The following FCHO2 variants were observed in gnomAD, a reference collection of about 807,000 sequenced individuals.
The protein encoded by FCHO2 is FCH and mu domain containing endocytic adaptor 2, also known as F-BAR domain only protein 2.
FCHO2 carries 43 observed loss-of-function variants against 114.1 expected under a neutral mutation model. That is an observed-to-expected ratio of 0.38 (90% CI 0.30 to 0.49). The LOEUF is 0.49. Among genes scored for constraint, FCHO2 ranks in the 20% least tolerant of loss-of-function variants. The pLI, the probability that FCHO2 is intolerant of heterozygous loss-of-function variation, is 0.97. For missense variants in FCHO2, 807 were observed against 950.4 expected (o/e 0.85, Z 1.98); for synonymous variants, 293 against 315.2 (o/e 0.93, Z 0.75).
intron 8 of FCHO2, among the ~76,000 whole-genome samples, chr5:73,024,362 C>T (rs1183572411): frequency 1.3e-5 from 2 of 150,664 alleles, no homozygotes; most frequent in African/African-American, 2.4e-5. Flanking sequence ...GTGCCTGGCT[C>T]ATGTTTATTT....
chr5:73,001,836 G>A (rs1284386497), intron 5 of FCHO2, among the ~76,000 whole-genome samples: 3 of 151,726 alleles, frequency 2.0e-5, no homozygotes, highest in Non-Finnish European at 4.4e-5. Flanking sequence ...GTACTTGGGA[G>A]GCTAAAGTAC....
At chr5:73,035,725 A>T (rs1756464168) in intron 9 of FCHO2, among the ~76,000 whole-genome samples, 1 of 151,560 alleles carries the variant, frequency 6.6e-6, no homozygotes. Context: ...CTGGTCTTGA[A>T]CTCCTGAGCT....
At chr5:73,017,061 C>T (rs545846899) in intron 7 of FCHO2, 151 bp from the exon 8 acceptor site, 2 of 514,060 alleles carry the variant, frequency 3.9e-6, no homozygotes, top group Non-Finnish European at 6.9e-6. Flanking sequence ...TCCAGTAATG[C>T]TGGAAGTTAG....
chr5:72,977,656 C>T lies in FCHO2; in HGVS notation c.125+9067C>T, dbSNP rs192900283. Among the ~76,000 whole-genome samples the T allele has an allele frequency of 3.8e-4, 58 of 152,244 alleles. No individual in the cohort carries two copies. In the East Asian group the frequency reaches 0.01, roughly 27 times the overall value. On this transcript the variant is annotated intron_variant, in intron 2 of 25. Coordinates refer to ENST00000430046, the MANE Select transcript of FCHO2 (RefSeq NM_138782.3). ...CATTTGTTAATTCTGGCTTTTGTTGCCATTGCTTGTGGTGTTTTAGTCATG... is the reference window on the plus strand; with the variant it reads ...CATTTGTTAATTCTGGCTTTTGTTGTCATTGCTTGTGGTGTTTTAGTCATG...
At chr5:72,981,349 C>A (rs758775443) in intron 2 of FCHO2, among the ~76,000 whole-genome samples, 1 of 152,244 alleles carries the variant, frequency 6.6e-6, no homozygotes, top group Admixed American at 6.5e-5. Flanking sequence ...GTGGGTAACC[C>A]GACCTTTCTC....
chr5:73,056,798 G>A (rs778560043), intron 16 of FCHO2, among the ~76,000 whole-genome samples: 10 of 151,452 alleles, frequency 6.6e-5, no homozygotes, highest in Admixed American at 3.3e-4. Flanking sequence ...AATATACTTC[G>A]TAAGCTTCAA....
intron 1 of FCHO2, among the ~76,000 whole-genome samples, chr5:72,965,467 C>T (rs1287602424): frequency 6.6e-6 from 1 of 152,114 alleles, no homozygotes; most frequent in Non-Finnish European, 1.5e-5. Flanking sequence ...TTGCTTGACA[C>T]GATTGCCACA....
intron 8 of FCHO2, among the ~76,000 whole-genome samples, chr5:73,025,334 G>A (rs1157247517): frequency 1.4e-5 from 2 of 147,512 alleles, no homozygotes; most frequent in Non-Finnish European, 3.0e-5. Context: ...TCAGCCTCCC[G>A]AGTAGCTGGG....
intron 18 of FCHO2, among the ~76,000 whole-genome samples, chr5:73,065,062 T>G (rs767077982): frequency 1.3e-5 from 2 of 152,010 alleles, no homozygotes; most frequent in Non-Finnish European, 2.9e-5. Context: ...TACACAGTTA[T>G]GAAATCTTCA....
chr5:73,060,481 A>G (rs1236798549), intron 17 of FCHO2, among the ~76,000 whole-genome samples: 3 of 152,068 alleles, frequency 2.0e-5, no homozygotes, highest in Non-Finnish European at 4.4e-5. Flanking sequence ...CGAAATAGGC[A>G]TTTTATCTTA....
intron 25 of FCHO2, 97 bp from the exon 26 acceptor site, chr5:73,087,971 G>T (rs946808091): frequency 2.6e-6 from 4 of 1,520,510 alleles, no homozygotes; most frequent in Non-Finnish European, 3.6e-6. Context: ...GTAAATAGCA[G>T]ATGGGAACTA....
intron 10 of FCHO2, chr5:73,037,820 G>T: frequency 2.9e-6 from 1 of 348,998 alleles, no homozygotes; most frequent in Non-Finnish European, 5.7e-6. Flanking sequence ...GCAATGGCGC[G>T]ATCTTGGCTT....
At chr5:72,998,077 A>G (rs1344875807) in intron 5 of FCHO2, among the ~76,000 whole-genome samples, 1 of 152,180 alleles carries the variant, frequency 6.6e-6, no homozygotes, top group Non-Finnish European at 1.5e-5. Context: ...TATACAGGTA[A>G]AGTATTAGGG....
intron 8 of FCHO2, among the ~76,000 whole-genome samples, chr5:73,028,646 CTT>C (rs1177312773): frequency 1.2e-4 from 13 of 112,160 alleles, no homozygotes; most frequent in African/African-American, 3.3e-4. Flanking sequence ...TTATATGATT[CTT>C]TTTTTTTTTT....
chr5:73,036,435 G>A (rs890255207), intron 9 of FCHO2, among the ~76,000 whole-genome samples: 1 of 151,840 alleles, frequency 6.6e-6, no homozygotes, highest in Non-Finnish European at 1.5e-5. Flanking sequence ...GTGCAGTGGT[G>A]TGATCACAGC....
chr5:72,982,613 C>G (rs1753275320), intron 2 of FCHO2, among the ~76,000 whole-genome samples: 1 of 152,070 alleles, frequency 6.6e-6, no homozygotes, highest in Admixed American at 6.6e-5. Flanking sequence ...TCTAAAAAGT[C>G]ATCACCATAG....
At chr5:73,028,256 C>T (rs1270724991) in intron 8 of FCHO2, among the ~76,000 whole-genome samples, 2 of 152,088 alleles carry the variant, frequency 1.3e-5, no homozygotes, top group South Asian at 4.1e-4. Context: ...AGAACTGAAA[C>T]TCACAAAGAC....
intron 8 of FCHO2, among the ~76,000 whole-genome samples, chr5:73,025,325 C>T (rs559248335): frequency 1.3e-4 from 20 of 151,136 alleles, no homozygotes; most frequent in East Asian, 3.9e-4. Flanking sequence ...TCTACTGCCT[C>T]AGCCTCCCGA....
chr5:73,052,969 G>A (rs1037198379), intron 13 of FCHO2: 3 of 152,322 alleles, frequency 2.0e-5, no homozygotes, highest in African/African-American at 7.2e-5. Context: ...GTTCTTAGTG[G>A]TAATAGTTAA....
Sources: allele counts gnomAD v4.1 joint callset (sites outside exome capture counted in the v4.1 genomes callset), GRCh38; gene constraint gnomAD v4.1.1; transcripts MANE v1.5; gene names NCBI Gene and HGNC (gene_info 2026-07-23, HGNC 2026-07-21).